DNAH3: variants seen among roughly 807,000 people sequenced by gnomAD.
DNAH3 encodes axonemal beta dynein heavy chain 3.
Under a neutral mutation model 432.5 loss-of-function variants are expected in DNAH3, and 332 were observed. That is an observed-to-expected ratio of 0.77 (90% CI 0.70 to 0.84). DNAH3 has a LOEUF of 0.84. DNAH3 is among the 40% of genes least tolerant of loss of function. The probability of loss-of-function intolerance (pLI) is 0.00; values close to 1 mark genes in which losing one functional copy is unlikely to be tolerated. For missense variants in DNAH3, 4,861 were observed against 5,114.0 expected (o/e 0.95, Z 1.51); for synonymous variants, 1,956 against 1,900.2 (o/e 1.03, Z -0.76).
At chr16:21,138,716 A>G (rs993144968) in intron 5 of DNAH3, among the ~76,000 whole-genome samples, 1 of 152,102 alleles carries the variant, frequency 6.6e-6, no homozygotes, top group Non-Finnish European at 1.5e-5. Flanking sequence ...AGGCTGAGGC[A>G]GGAGAATCAC....
intron 34 of DNAH3, 73 bp downstream of exon 34, chr16:21,037,688 G>A (rs1597207878): frequency 7.6e-7 from 1 of 1,311,958 alleles, no homozygotes; most frequent in Admixed American, 1.9e-5. Context: ...GTATGGGGAA[G>A]GCACCAAACA....
In DNAH3 at chr16:21,051,642, C is replaced by G. The variant is rs376440232; in HGVS notation, c.4238+28G>C. 135 of 1,609,992 alleles carry G rather than the reference C, an allele frequency of 8.4e-5. No individual in the cohort carries two copies. The African/African-American group carries it at 1.5e-3, about 18-fold the overall frequency. On this transcript the variant is annotated intron_variant, in intron 29 of 61. Coordinates refer to ENST00000261383, the Ensembl canonical transcript of DNAH3. ...CTTCCCCTGGAGTTCTCCGTTCACC[C>G]CTCAGATCTAGGAGCTCCAGAGTGT... is the stretch of plus-strand genomic sequence containing the variant.
intron 25 of DNAH3, among the ~76,000 whole-genome samples, chr16:21,062,263 A>T (rs1378820736): frequency 6.6e-6 from 1 of 152,088 alleles, no homozygotes; most frequent in African/African-American, 2.4e-5. Context: ...CACAAATTTA[A>T]TATGTCATGT....
rs1430577340 is a variant in DNAH3, at chr16:21,065,790, T to C, written c.3518+1493A>G. Among the ~76,000 whole-genome samples, 3 of 152,210 alleles carry C rather than the reference T, an allele frequency of 2.0e-5. No homozygotes were observed. In the East Asian group the frequency reaches 5.8e-4, roughly 29 times the overall value. On this transcript the variant is annotated intron_variant, in intron 24 of 61. Coordinates refer to ENST00000261383, the Ensembl canonical transcript of DNAH3. ...TTGCAGAAAGTTCATTGGATAATGCTGAATTGAATAAATACCAAAGATACT... is the reference window on the plus strand; with the variant it reads ...TTGCAGAAAGTTCATTGGATAATGCCGAATTGAATAAATACCAAAGATACT...
intron 21 of DNAH3, among the ~76,000 whole-genome samples, chr16:21,072,091 T>C (rs887405942): frequency 1.3e-5 from 2 of 152,198 alleles, no homozygotes; most frequent in Non-Finnish European, 2.9e-5. Context: ...TAAATCCTTA[T>C]TAAGTTGTTT....
rs149637211 is a variant in DNAH3 at position 20,968,009 on chromosome 16, G to A, written c.8458+1783C>T. Among the ~76,000 whole-genome samples, 38 of 152,162 alleles carry A rather than the reference G, an allele frequency of 2.5e-4. 1 individual carries two copies. The East Asian group carries it at 3.7e-3, about 15-fold the overall frequency. ...TTATGTGAGTTTAGGCCTGACACCC[G>A]CCAGAGAAGAGGGAATGCTAAGCAA... On this transcript the variant is annotated intron_variant, in intron 52 of 61. Coordinates refer to ENST00000261383, the Ensembl canonical transcript of DNAH3.
In DNAH3 at chr16:20,975,323, C is replaced by T. The variant is rs144807949; in HGVS notation, c.8169G>A (p.Ala2723=). The T allele has an allele frequency of 7.2e-5, 116 of 1,614,058 alleles. 1 individual carries two copies. The highest frequency in any genetic ancestry group is 4.4e-5 in the South Asian group (4 of 91,082). Residue 2723 remains alanine, a synonymous_variant, in exon 51 of 62, where the codon GCG becomes GCA. Transcript: ENST00000261383. ...TCTTTCCATCAGCTTCTCTCGTCTC[C>T]GCTTCAATTTTCACCATCATCTTGG...
At position 21,060,250 on chromosome 16, in the gene DNAH3, C is replaced by T. The variant is rs767495117; in HGVS notation, c.3813+14G>A. The T allele has an allele frequency of 1.4e-5, 23 of 1,604,880 alleles. No homozygotes were observed. Among genetic ancestry groups the T allele is most frequent in the Middle Eastern group, 1.6e-4 (1 of 6,070 alleles). On this transcript the variant is annotated intron_variant, in intron 26 of 61. Transcript: ENST00000261383. ...CACTAGTGTCCTGGCATGTGTACCC[C>T]GGTTCTTGTTTACCTTGACATATGC...
chr16:21,016,492 A>G (rs909195738), intron 41 of DNAH3, among the ~76,000 whole-genome samples: 1 of 152,222 alleles, frequency 6.6e-6, no homozygotes, highest in African/African-American at 2.4e-5. Context: ...ATTATCAGTA[A>G]AACATACAGA....
chr16:21,053,105 G>A (rs2152745003), intron 28 of DNAH3, among the ~76,000 whole-genome samples: 1 of 152,270 alleles, frequency 6.6e-6, no homozygotes, highest in South Asian at 2.1e-4. Context: ...AGCTAGTACA[G>A]CCGACTCAAA....
chr16:21,136,111 GAAGA>G, intron 6 of DNAH3, among the ~76,000 whole-genome samples: 1 of 151,976 alleles, frequency 6.6e-6, no homozygotes, highest in South Asian at 2.1e-4. Context: ...GACAAAGTGA[GAAGA>G]AAGAAGATGC....
At chr16:21,069,275 T>C in intron 23 of DNAH3, 140 bp downstream of exon 23, 1 of 769,474 alleles carries the variant, frequency 1.3e-6, no homozygotes, top group South Asian at 1.8e-5. Context: ...TAACAACTTC[T>C]GAAATTAGAA....
chr16:20,987,515 T>G (rs908874332), intron 46 of DNAH3, 67 bp from the exon 47 acceptor site: 5 of 1,593,346 alleles, frequency 3.1e-6, no homozygotes, highest in African/African-American at 2.7e-5. Flanking sequence ...TTCTCAGTAG[T>G]AGGTAAGTCC....
chr16:20,980,643 C>T (rs1381693075), intron 49 of DNAH3, among the ~76,000 whole-genome samples: 3 of 151,984 alleles, frequency 2.0e-5, no homozygotes, highest in African/African-American at 7.3e-5. Context: ...CAGCCTTGGC[C>T]TCCCAAAGTG....
intron 27 of DNAH3, among the ~76,000 whole-genome samples, chr16:21,054,962 A>G (rs1318085411): frequency 1.3e-5 from 2 of 152,086 alleles, no homozygotes; most frequent in Non-Finnish European, 2.9e-5. Flanking sequence ...ACCGTATGCT[A>G]AAAAAGGTGA....
chr16:21,111,660 A>G, exon 14 of DNAH3: 1 of 1,613,758 alleles, frequency 6.2e-7, no homozygotes, highest in Non-Finnish European at 8.5e-7. Context: ...TCCACTTGGA[A>G]TTGAATCAGA....
chr16:20,954,370 A>C (rs1354295906), intron 55 of DNAH3, among the ~76,000 whole-genome samples: 7 of 149,262 alleles, frequency 4.7e-5, no homozygotes, highest in African/African-American at 9.9e-5. Flanking sequence ...GGCTCACTAC[A>C]AACTCCACCT....
intron 53 of DNAH3, among the ~76,000 whole-genome samples, chr16:20,961,274 A>C (rs2084804829): frequency 6.6e-6 from 1 of 152,076 alleles, no homozygotes; most frequent in South Asian, 2.1e-4. Context: ...GCGGAGGCAA[A>C]GTTAAAATGA....
At chr16:21,054,812 T>G (rs1006966828) in intron 27 of DNAH3, among the ~76,000 whole-genome samples, 9 of 152,166 alleles carry the variant, frequency 5.9e-5, no homozygotes, top group African/African-American at 2.2e-4. Context: ...AGAAAATACC[T>G]TGGTAATTAC....
Sources: gnomAD v4.1 joint callset for allele counts (sites outside exome capture counted in the v4.1 genomes callset) on GRCh38, gnomAD v4.1.1 for gene constraint, MANE v1.5 for transcripts, NCBI Gene and HGNC (gene_info 2026-07-23, HGNC 2026-07-21) for gene names.